Variants in TASP1 observed in about 807,000 individuals in gnomAD.
TASP1 encodes threonine aspartase 1.
Under a neutral mutation model 56.6 loss-of-function variants are expected in TASP1, and 16 were observed. The ratio of observed to expected loss-of-function variants is 0.28; its 90% CI spans 0.19 to 0.43. TASP1 has a LOEUF of 0.43. TASP1 is among the 20% of genes least tolerant of loss of function. TASP1 has a pLI of 1.00. For synonymous variants in TASP1, 179 were observed against 184.2 expected, an observed-to-expected ratio of 0.97 and a Z score of 0.23; for missense variants, 393 against 511.6, an observed-to-expected ratio of 0.77 and a Z score of 2.24.
At chr20:13,606,806 C>CAAA (rs71334137) in intron 4 of TASP1, among the ~76,000 whole-genome samples, 2 of 75,168 alleles carry the variant, frequency 2.7e-5, no homozygotes, top group South Asian at 3.9e-4. Context: ...GACTCCGTCT[C>CAAA]AAAAAAAAAA....
chr20:13,518,475 C>G (rs955911133), intron 10 of TASP1, among the ~76,000 whole-genome samples: 1 of 152,034 alleles, frequency 6.6e-6, no homozygotes, highest in African/African-American at 2.4e-5. Flanking sequence ...TGTCTAAACA[C>G]CACGACCTAA....
intron 11 of TASP1, among the ~76,000 whole-genome samples, chr20:13,472,742 C>G (rs1027282278): frequency 4.0e-5 from 6 of 151,198 alleles, no homozygotes; most frequent in Non-Finnish European, 7.4e-5. Flanking sequence ...AAATGCTCAT[C>G]ATCACTGCTC....
chr20:13,203,408 A>AT, the TASP1 span, among the ~76,000 whole-genome samples: 41 of 152,254 alleles, frequency 2.7e-4, no homozygotes, highest in Admixed American at 2.7e-3. Context: ...AGACATGTAC[A>AT]TAGGTATCTA....
At chr20:13,164,754 G>A in the TASP1 span, 2 of 1,612,604 alleles carry the variant, frequency 1.2e-6, no homozygotes, top group African/African-American at 1.3e-5. Context: ...CTCATTGCAG[G>A]TTTTAGAAGC....
the TASP1 span, among the ~76,000 whole-genome samples, chr20:13,266,543 A>C: frequency 5.1e-4 from 78 of 152,294 alleles, no homozygotes; most frequent in East Asian, 0.014. Flanking sequence ...TAACTCATAG[A>C]TAGTTAACTC....
chr20:13,246,171 G>A, the TASP1 span, among the ~76,000 whole-genome samples: 1 of 152,040 alleles, frequency 6.6e-6, no homozygotes, highest in East Asian at 1.9e-4. Flanking sequence ...TACTCGGGAG[G>A]CTGAGGCAGC....
chr20:13,207,370 A>G, the TASP1 span, among the ~76,000 whole-genome samples: 2 of 152,244 alleles, frequency 1.3e-5, no homozygotes, highest in African/African-American at 4.8e-5. Context: ...CACACGGTGT[A>G]TTAATCGGGT....
intron 13 of TASP1, among the ~76,000 whole-genome samples, chr20:13,410,617 T>C (rs1161358229): frequency 6.6e-6 from 1 of 152,222 alleles, no homozygotes; most frequent in East Asian, 1.9e-4. Flanking sequence ...GTTGGCCATT[T>C]GTATGTCTTC....
intron 10 of TASP1, among the ~76,000 whole-genome samples, chr20:13,521,584 A>G (rs2044756889): frequency 6.9e-6 from 1 of 145,150 alleles, no homozygotes; most frequent in South Asian, 2.3e-4. Context: ...TTGAACAATG[A>G]GAACACATGG....
chr20:13,121,195 A>C, the TASP1 span, among the ~76,000 whole-genome samples: 2 of 152,144 alleles, frequency 1.3e-5, no homozygotes, highest in Non-Finnish European at 2.9e-5. Context: ...CAGCCTCCAC[A>C]GGCTGACCAG....
At chr20:13,160,266 T>G in the TASP1 span, 6 of 1,115,160 alleles carry the variant, frequency 5.4e-6, no homozygotes, top group African/African-American at 9.4e-5. Flanking sequence ...CAAAAGTCAC[T>G]GCCAAAAAAC....
the TASP1 span, among the ~76,000 whole-genome samples, chr20:13,179,930 C>G: frequency 6.6e-6 from 1 of 152,104 alleles, no homozygotes; most frequent in Non-Finnish European, 1.5e-5. Flanking sequence ...ACCCACTCAC[C>G]AAGCCCCTCC....
At chr20:13,177,711 G>A in the TASP1 span, among the ~76,000 whole-genome samples, 1 of 152,156 alleles carries the variant, frequency 6.6e-6, no homozygotes, top group African/African-American at 2.4e-5. Flanking sequence ...ATATCCATAT[G>A]CAGAAGAATA....
intron 10 of TASP1, among the ~76,000 whole-genome samples, chr20:13,499,650 C>T (rs941466070): frequency 1.3e-5 from 2 of 151,964 alleles, no homozygotes; most frequent in Non-Finnish European, 2.9e-5. Context: ...AGCAGAAAGA[C>T]GGAAAGGAAT....
At chr20:13,217,529 C>T in the TASP1 span, among the ~76,000 whole-genome samples, 111 of 151,944 alleles carry the variant, frequency 7.3e-4, 1 homozygote, top group East Asian at 3.9e-3. Flanking sequence ...TTAAAATATT[C>T]CAGTCAAATA....
chr20:13,386,888 G>A (rs12480285), downstream of TASP1, among the ~76,000 whole-genome samples: 483 of 152,158 alleles, frequency 3.2e-3, 1 homozygote, highest in East Asian at 0.01. Flanking sequence ...TCTATTTTAG[G>A]TTCAGGGGGT....
chr20:13,234,796 G>A, the TASP1 span, among the ~76,000 whole-genome samples: 8 of 152,060 alleles, frequency 5.3e-5, no homozygotes, highest in Admixed American at 4.6e-4. Flanking sequence ...ACTTTTTAAC[G>A]AGGTCATTTG....
chr20:13,452,643 G>A (rs1327406375), intron 11 of TASP1, among the ~76,000 whole-genome samples: 1 of 151,806 alleles, frequency 6.6e-6, no homozygotes, highest in Admixed American at 6.6e-5. Context: ...ACACATAGTA[G>A]GTGATCAACA....
chr20:13,526,538 T>C (rs897940748), intron 10 of TASP1, among the ~76,000 whole-genome samples: 4 of 152,312 alleles, frequency 2.6e-5, no homozygotes, highest in East Asian at 1.9e-4. Flanking sequence ...CTCATATTAT[T>C]ACATTATGCT....
Sources: gnomAD v4.1 joint callset for allele counts (sites outside exome capture counted in the v4.1 genomes callset) on GRCh38, gnomAD v4.1.1 for gene constraint, MANE v1.5 for transcripts, NCBI Gene and HGNC (gene_info 2026-07-23, HGNC 2026-07-21) for gene names.